KCNQ4: variants seen among roughly 807,000 people sequenced by gnomAD.
KCNQ4 encodes potassium voltage-gated channel subfamily KQT member 4.
KCNQ4 carries 31 observed loss-of-function variants against 72.6 expected under a neutral mutation model. The observed-to-expected ratio is 0.43, with a 90% CI of 0.32 to 0.58. The LOEUF is 0.58. Ranked by LOEUF, KCNQ4 falls within the 20% of genes least tolerant of loss-of-function variation. KCNQ4 has a pLI of 0.08. For missense variants in KCNQ4, 869 were observed against 962.6 expected (o/e 0.90, Z 1.29); for synonymous variants, 405 against 403.7 (o/e 1.00, Z -0.04).
intron 1 of KCNQ4, among the ~76,000 whole-genome samples, chr1:40,813,397 C>CA (rs1647983234): frequency 6.6e-6 from 1 of 152,006 alleles, no homozygotes; most frequent in Non-Finnish European, 1.5e-5. Context: ...CTGGCCTGCC[C>CA]AGGGATAGAT....
At chr1:40,825,238 T>C (rs1459812982) in intron 9 of KCNQ4, among the ~76,000 whole-genome samples, 1 of 152,102 alleles carries the variant, frequency 6.6e-6, no homozygotes, top group African/African-American at 2.4e-5. Flanking sequence ...TGAGCTTCAA[T>C]GTCATTCTGA....
chr1:40,837,705 G>T lies in KCNQ4; in HGVS notation c.1786G>T (p.Ala596Ser). 1.2e-6 allele frequency: 2 copies of T among 1,613,472 alleles called. No individual in the cohort carries two copies. The highest frequency in any genetic ancestry group is 8.5e-7 in the Non-Finnish European group (1 of 1,179,826). ...IVGRGPGDRKAREKGDKGPSD... is the reference protein window; with the variant it reads ...IVGRGPGDRKSREKGDKGPSD... ...GGGTCGGGGGCCCGGGGACAGGAAG[G>T]CCCGGGAGAAGGGCGACAAGGGGCC... The change falls in exon 13 of 14, where the codon GCC becomes TCC. Residue 596 changes from alanine (A) to serine (S), a missense_variant. Ala to Ser is a moderately conservative substitution (Grantham distance 99). Coordinates refer to ENST00000347132, the MANE Select transcript of KCNQ4 (RefSeq NM_004700.4).
chr1:40,839,985 C>G lies in KCNQ4; in HGVS notation c.*1462C>G, dbSNP rs1224136633. Reference sequence around the variant, plus strand: ...CCAGGAACACTTTCTTATCCCCACCCCTTTGCTCCTCTTCTGCAAAGCCAA... The same window carrying G: ...CCAGGAACACTTTCTTATCCCCACCGCTTTGCTCCTCTTCTGCAAAGCCAA... On this transcript the variant is annotated 3_prime_UTR_variant, in exon 14 of 14. Transcript: ENST00000347132. The G allele has an allele frequency of 6.6e-6, 1 of 152,360 alleles. No individual in the cohort carries two copies. The highest frequency in any genetic ancestry group is 2.4e-5 in the African/African-American group (1 of 41,472). The allele number at this position is 152,360 out of a possible 1,614,324, so 9.4% of individuals were successfully genotyped here.
intron 4 of KCNQ4, 39 bp downstream of exon 4, chr1:40,818,719 G>T: frequency 6.4e-7 from 1 of 1,557,622 alleles, no homozygotes; most frequent in Non-Finnish European, 8.6e-7. Context: ...CCGAGGGCGT[G>T]TCTGGGGCAC....
intron 12 of KCNQ4, among the ~76,000 whole-genome samples, chr1:40,836,401 C>T (rs779828470): frequency 2.0e-5 from 3 of 152,062 alleles, no homozygotes; most frequent in East Asian, 1.9e-4. Flanking sequence ...TGGGAGGTGC[C>T]GGGTTTGTGA....
chr1:40,807,110 T>G lies in KCNQ4; in HGVS notation c.315-10155T>G, dbSNP rs533211808. On this transcript the variant is annotated intron_variant, in intron 1 of 13. Coordinates refer to ENST00000347132, the MANE Select transcript of KCNQ4 (RefSeq NM_004700.4). Reference sequence around the variant, plus strand: ...ATGGGTCCGTCTAGAGGGGTCAAGTTTTTATAACTTGTCAGGCTAACGGGA... The same window carrying G: ...ATGGGTCCGTCTAGAGGGGTCAAGTGTTTATAACTTGTCAGGCTAACGGGA... 1.6e-4 allele frequency among the ~76,000 whole-genome samples: 25 copies of G among 152,204 alleles called. No homozygotes were observed. The South Asian group carries it at 4.8e-3, about 29-fold the overall frequency.
At chr1:40,790,277 T>A (rs574824707) in intron 1 of KCNQ4, among the ~76,000 whole-genome samples, 1 of 152,246 alleles carries the variant, frequency 6.6e-6, no homozygotes, top group Non-Finnish European at 1.5e-5. Flanking sequence ...CTGGATGAGA[T>A]AAGGCACCGA....
At chr1:40,787,025 T>C (rs1212268751) in intron 1 of KCNQ4, among the ~76,000 whole-genome samples, 1 of 152,096 alleles carries the variant, frequency 6.6e-6, no homozygotes, top group African/African-American at 2.4e-5. Context: ...CAGGGAGTAC[T>C]GTTAGCTAGG....
intron 1 of KCNQ4, among the ~76,000 whole-genome samples, chr1:40,807,512 C>T (rs891937061): frequency 6.6e-6 from 1 of 152,154 alleles, no homozygotes; most frequent in African/African-American, 2.4e-5. Flanking sequence ...GGAAACTTCT[C>T]CTCCCAGCCC....
In KCNQ4 at chr1:40,818,259, C is replaced by T. The variant is rs979744772; in HGVS notation, c.501C>T (p.Phe167=). 1.9e-6 allele frequency: 3 copies of T among 1,613,792 alleles called. No individual in the cohort carries two copies. The African/African-American group carries it at 4.0e-5, about 22-fold the overall frequency. The part of the protein sequence containing the change: ...CCRYRGWQGR[F]RFARKPFCVI... ...GCTACCGAGGATGGCAGGGTCGCTT[C>T]CGCTTTGCCAGAAAGCCCTTCTGTG... Residue 167 remains phenylalanine (F), a synonymous_variant, in exon 3 of 14, where the codon TTC becomes TTT. Transcript: ENST00000347132.
At chr1:40,792,320 C>A (rs1439948627) in intron 1 of KCNQ4, among the ~76,000 whole-genome samples, 1 of 152,174 alleles carries the variant, frequency 6.6e-6, no homozygotes, top group Non-Finnish European at 1.5e-5. Flanking sequence ...GAGGGACCAG[C>A]CCCTGGGCAC....
At chr1:40,822,704 G>A (rs552042863) in intron 8 of KCNQ4, among the ~76,000 whole-genome samples, 1 of 152,320 alleles carries the variant, frequency 6.6e-6, no homozygotes, top group Admixed American at 6.5e-5. Context: ...GCCATCTAGG[G>A]CAGTGATACA....
chr1:40,784,101 AG>A lies in KCNQ4; in HGVS notation c.10del (p.Ala4ProfsTer20). On this transcript the variant is annotated frameshift_variant, in exon 1 of 14. Transcript: ENST00000347132. LOFTEE classifies it high-confidence loss of function. This position sits in a 1 kb window ranked among gnomAD's most constrained non-coding sequence, Gnocchi z 4.1. The part of the protein sequence containing the change: MA[E>X]APPRRLGLGP... ...CCCAGCCCGGCGCCGCCCATGGCCGAGGCCCCCCCGCGCCGCCTCGGCCTGG... is the reference window on the plus strand; with the variant it reads ...CCCAGCCCGGCGCCGCCCATGGCCGAGCCCCCCCGCGCCGCCTCGGCCTGG... The A allele has an allele frequency of 2.1e-6, 1 of 468,178 alleles. No homozygotes were observed. Among genetic ancestry groups the A allele is most frequent in the Non-Finnish European group, 2.8e-6 (1 of 357,596 alleles). The allele number at this position is 468,178 out of a possible 1,614,324, so 29.0% of individuals were successfully genotyped here.
Position 40,793,004 on chromosome 1 carries a change from CT to C in KCNQ4, c.314+8617del, listed in dbSNP as rs10549805. 4.6e-3 allele frequency among the ~76,000 whole-genome samples: 500 copies of C among 109,056 alleles called. 5 individuals are homozygous for C. The highest frequency in any genetic ancestry group is 0.015 in the African/African-American group (407 of 26,706). 71.5% of individuals were successfully genotyped at this position (109,056 alleles called of 152,430 possible). On this transcript the variant is annotated intron_variant, in intron 1 of 13. Coordinates refer to ENST00000347132, the MANE Select transcript of KCNQ4 (RefSeq NM_004700.4). ...CTTCTTTCTTTTCTTTTCTTTCTTT[CT>C]TTTTTTTTTTTTTTTTTTTGAAGCA...
chr1:40,820,330 G>A lies in KCNQ4; in HGVS notation c.1041+70G>A, dbSNP rs573211824. ...CTGCACTGGTGTGTCAACCCTGTGT[G>A]CTGACCCATGTCCCCAGCCCAACTG... is the stretch of plus-strand genomic sequence containing the variant. On this transcript the variant is annotated intron_variant, in intron 7 of 13. Coordinates refer to ENST00000347132, the MANE Select transcript of KCNQ4 (RefSeq NM_004700.4). 1.4e-4 allele frequency: 189 copies of A among 1,311,624 alleles called. No individual in the cohort carries two copies. In the African/African-American group the frequency reaches 2.6e-3, roughly 18 times the overall value. The allele number at this position is 1,311,624 out of a possible 1,614,324, so 81.2% of individuals were successfully genotyped here.
intron 1 of KCNQ4, among the ~76,000 whole-genome samples, chr1:40,795,548 C>T (rs1241321297): frequency 6.6e-6 from 1 of 152,066 alleles, no homozygotes; most frequent in Non-Finnish European, 1.5e-5. Flanking sequence ...GGACATGAGC[C>T]ACTGCACCCA....
At chr1:40,815,103 G>A (rs544170397) in intron 1 of KCNQ4, among the ~76,000 whole-genome samples, 5 of 152,084 alleles carry the variant, frequency 3.3e-5, no homozygotes, top group Non-Finnish European at 7.4e-5. Context: ...AGCTGGGCAC[G>A]GTGGCATGTG....
At chr1:40,792,769 T>C (rs2148297128) in intron 1 of KCNQ4, among the ~76,000 whole-genome samples, 2 of 152,132 alleles carry the variant, frequency 1.3e-5, no homozygotes, top group Non-Finnish European at 2.9e-5. Flanking sequence ...GGGGTATCAA[T>C]CCCTCCCCTA....
intron 13 of KCNQ4, 82 bp downstream of exon 13, chr1:40,837,876 A>G: frequency 1.3e-6 from 2 of 1,531,330 alleles, no homozygotes; most frequent in Non-Finnish European, 1.8e-6. Flanking sequence ...TGCGTTTCCC[A>G]CAGCCACAGC....
Sources: allele counts gnomAD v4.1 joint callset (sites outside exome capture counted in the v4.1 genomes callset), GRCh38; gene constraint gnomAD v4.1.1; non-coding constraint Gnocchi (gnomAD v3.1); transcripts MANE v1.5; gene names NCBI Gene and HGNC (gene_info 2026-07-23, HGNC 2026-07-21).